PLCXD3: variants seen among roughly 807,000 people sequenced by gnomAD.
PLCXD3 encodes the protein phosphatidylinositol specific phospholipase C X domain containing 3.
PLCXD3 carries 19 observed loss-of-function variants against 25.5 expected under a neutral mutation model. That is an observed-to-expected ratio of 0.75 (90% CI 0.52 to 1.09). The LOEUF is 1.09. Among genes scored for constraint, PLCXD3 ranks in the 50% least tolerant of loss-of-function variants. The pLI, the probability that PLCXD3 is intolerant of heterozygous loss-of-function variation, is 0.00. For synonymous variants in PLCXD3, 174 were observed against 137.6 expected, an observed-to-expected ratio of 1.26 and a Z score of -1.85; for missense variants, 411 against 388.1, an observed-to-expected ratio of 1.06 and a Z score of -0.50.
rs1222409802 is a variant in PLCXD3, at chr5:41,472,540, CT to C, written c.103+37883del. 5.8e-4 allele frequency among the ~76,000 whole-genome samples: 89 copies of C among 152,168 alleles called. 1 individual carries two copies. Among genetic ancestry groups the C allele is most frequent in the Non-Finnish European group, 2.1e-4 (14 of 68,020 alleles). Reference sequence around the variant, plus strand: ...ATTAAATTTTCATCCAAGTGGATTTCTTTTAAAGTCCTTGAATAATTAAAGT... The same window carrying C: ...ATTAAATTTTCATCCAAGTGGATTTCTTTAAAGTCCTTGAATAATTAAAGT... On this transcript the variant is annotated intron_variant, in intron 1 of 2. Coordinates refer to ENST00000377801, the MANE Select transcript of PLCXD3 (RefSeq NM_001005473.3).
intron 1 of PLCXD3, among the ~76,000 whole-genome samples, chr5:41,494,778 A>G (rs575897045): frequency 1.6e-4 from 25 of 152,344 alleles, no homozygotes; most frequent in African/African-American, 4.6e-4. Flanking sequence ...ATTGGATTAC[A>G]TATTTTCACC....
intron 2 of PLCXD3, among the ~76,000 whole-genome samples, chr5:41,319,979 TA>T (rs1457425866): frequency 1.3e-5 from 2 of 152,034 alleles, no homozygotes; most frequent in East Asian, 3.8e-4. Context: ...TATGAGCAAC[TA>T]CATGCCAATA....
chr5:41,459,741 C>T (rs1423674845), intron 1 of PLCXD3, among the ~76,000 whole-genome samples: 1 of 151,778 alleles, frequency 6.6e-6, no homozygotes, highest in African/African-American at 2.4e-5. Flanking sequence ...TAAGTTATTT[C>T]TCTGCCAACA....
intron 1 of PLCXD3, among the ~76,000 whole-genome samples, chr5:41,458,265 G>C (rs979397147): frequency 6.6e-6 from 1 of 151,696 alleles, no homozygotes; most frequent in African/African-American, 2.4e-5. Context: ...CATAATTAAA[G>C]AACAGAATAT....
At chr5:41,420,005 TA>T (rs2150505763) in intron 1 of PLCXD3, among the ~76,000 whole-genome samples, 1 of 152,328 alleles carries the variant, frequency 6.6e-6, no homozygotes, top group East Asian at 1.9e-4. Context: ...CCATTTCCCA[TA>T]ATTACTCATC....
chr5:41,359,686 A>G (rs886233042), intron 2 of PLCXD3, among the ~76,000 whole-genome samples: 1 of 151,518 alleles, frequency 6.6e-6, no homozygotes, highest in Non-Finnish European at 1.5e-5. Context: ...TTTTTGTTTT[A>G]TTTATCTTTT....
chr5:41,381,247 G>A (rs1329188618), intron 2 of PLCXD3, among the ~76,000 whole-genome samples: 1 of 152,098 alleles, frequency 6.6e-6, no homozygotes, highest in East Asian at 1.9e-4. Context: ...ATGTGAAAAA[G>A]GGTGCTATGA....
At chr5:41,324,740 C>T (rs553694392) in intron 2 of PLCXD3, among the ~76,000 whole-genome samples, 37 of 152,286 alleles carry the variant, frequency 2.4e-4, no homozygotes, top group African/African-American at 7.9e-4. Flanking sequence ...CTGTGCCTGT[C>T]GCATCACCTT....
chr5:41,422,116 A>G (rs1314404375), intron 1 of PLCXD3, among the ~76,000 whole-genome samples: 1 of 152,216 alleles, frequency 6.6e-6, no homozygotes, highest in Non-Finnish European at 1.5e-5. Flanking sequence ...TAGACAATAG[A>G]AAGTATATAT....
chr5:41,335,498 C>T (rs990887533), intron 2 of PLCXD3, among the ~76,000 whole-genome samples: 1 of 152,124 alleles, frequency 6.6e-6, no homozygotes, highest in African/African-American at 2.4e-5. Flanking sequence ...GTATTGACTA[C>T]CTACTGCTGA....
At chr5:41,368,749 G>T (rs1462454511) in intron 2 of PLCXD3, among the ~76,000 whole-genome samples, 2 of 152,108 alleles carry the variant, frequency 1.3e-5, no homozygotes, top group Admixed American at 6.6e-5. Flanking sequence ...ATCATGAAGG[G>T]ATGTTGAATT....
intron 1 of PLCXD3, among the ~76,000 whole-genome samples, chr5:41,406,697 G>C (rs1188002189): frequency 1.3e-5 from 2 of 152,038 alleles, no homozygotes; most frequent in African/African-American, 4.8e-5. Context: ...CACTGAAATA[G>C]CTTTCAGGTA....
chr5:41,486,672 A>C (rs1748524209), intron 1 of PLCXD3, among the ~76,000 whole-genome samples: 1 of 151,968 alleles, frequency 6.6e-6, no homozygotes, highest in Non-Finnish European at 1.5e-5. Flanking sequence ...CCTACCAGAG[A>C]CCCTGTTAGC....
At chr5:41,403,392 T>G (rs1186977023) in intron 1 of PLCXD3, among the ~76,000 whole-genome samples, 1 of 30,296 alleles carries the variant, frequency 3.3e-5, no homozygotes, top group Non-Finnish European at 8.2e-5. Context: ...CCAGATTGAC[T>G]TATTTGTTGT....
chr5:41,458,142 TA>T (rs1747798516), intron 1 of PLCXD3, among the ~76,000 whole-genome samples: 1 of 151,972 alleles, frequency 6.6e-6, no homozygotes, highest in African/African-American at 2.4e-5. Flanking sequence ...CCACGCCTGC[TA>T]ATGTCAATAG....
intron 2 of PLCXD3, among the ~76,000 whole-genome samples, chr5:41,324,980 C>T (rs1186011503): frequency 6.6e-6 from 1 of 152,160 alleles, no homozygotes; most frequent in African/African-American, 2.4e-5. Context: ...ATATTCACGT[C>T]TCAGAACCTT....
At chr5:41,377,634 T>C (rs186777949) in intron 2 of PLCXD3, among the ~76,000 whole-genome samples, 25 of 152,180 alleles carry the variant, frequency 1.6e-4, no homozygotes, top group African/African-American at 6.0e-4. Context: ...CTTTTGGCAT[T>C]GCTACAATGT....
chr5:41,451,648 T>C (rs1412130312), intron 1 of PLCXD3, among the ~76,000 whole-genome samples: 6 of 151,924 alleles, frequency 3.9e-5, no homozygotes, highest in Non-Finnish European at 5.9e-5. Flanking sequence ...TCTCTTTTTT[T>C]TTTTTATGTT....
In PLCXD3 at chr5:41,382,464, G is replaced by A. The variant is rs113849338; in HGVS notation, c.174C>T (p.Val58=). 7.0e-3 allele frequency: 11,337 copies of A among 1,612,190 alleles called. 53 individuals are homozygous for A. Among genetic ancestry groups the A allele is most frequent in the Middle Eastern group, 0.016 (99 of 6,048 alleles). The change falls in exon 2 of 3, where the codon GTC becomes GTT. Residue 58 remains valine (V), a synonymous_variant. Transcript: ENST00000377801. ...TTCCAAACACAGAGACAAAATTCTG[G>A]ACAGTTTCTGGCTGCTCAGGACCTA... ...SPVGPEQPET[V]QNFVSVFGTV...
Sources: gnomAD v4.1 joint callset for allele counts (sites outside exome capture counted in the v4.1 genomes callset) on GRCh38, gnomAD v4.1.1 for gene constraint, MANE v1.5 for transcripts, NCBI Gene and HGNC (gene_info 2026-07-23, HGNC 2026-07-21) for gene names.